PARM1: variants seen among roughly 807,000 people sequenced by gnomAD.
The protein encoded by PARM1 is prostate androgen-regulated mucin-like protein 1.
PARM1 carries 14 observed loss-of-function variants against 24.6 expected under a neutral mutation model. The ratio of observed to expected loss-of-function variants is 0.57; its 90% CI spans 0.38 to 0.89. The LOEUF (loss-of-function observed/expected upper bound fraction) is 0.89, where lower values mean the gene tolerates loss of function less well. Among genes scored for constraint, PARM1 ranks in the 40% least tolerant of loss-of-function variants. The pLI is 0.00. For synonymous variants in PARM1, 179 were observed against 156.6 expected, an observed-to-expected ratio of 1.14 and a Z score of -1.07; for missense variants, 362 against 380.4, an observed-to-expected ratio of 0.95 and a Z score of 0.40.
At chr4:74,962,455 C>T in intron 1 of PARM1, among the ~76,000 whole-genome samples, 1 of 152,070 alleles carries the variant, frequency 6.6e-6, no homozygotes, top group Non-Finnish European at 1.5e-5. Context: ...CTCTTCTTAT[C>T]TGAAATTATT....
chr4:75,003,549 T>C (rs997437385), intron 1 of PARM1, among the ~76,000 whole-genome samples: 3 of 152,204 alleles, frequency 2.0e-5, no homozygotes, highest in African/African-American at 7.2e-5. Context: ...ATGTCTCATT[T>C]CCATAAGCAA....
At chr4:75,015,588 G>A (rs1430897781) in intron 2 of PARM1, among the ~76,000 whole-genome samples, 2 of 152,190 alleles carry the variant, frequency 1.3e-5, no homozygotes, top group African/African-American at 2.4e-5. Flanking sequence ...TATAGTTTAA[G>A]TAGAGAGAAA....
At chr4:75,019,585 A>T (rs1453995121) in intron 2 of PARM1, among the ~76,000 whole-genome samples, 2 of 152,374 alleles carry the variant, frequency 1.3e-5, no homozygotes, top group Non-Finnish European at 2.9e-5. Context: ...GTAGGCACAG[A>T]CATCTAGACA....
chr4:75,026,565 G>A (rs1247241376), intron 2 of PARM1, among the ~76,000 whole-genome samples: 1 of 152,170 alleles, frequency 6.6e-6, no homozygotes, highest in Non-Finnish European at 1.5e-5. Context: ...TGCATAAAAG[G>A]TGCATCCTTA....
chr4:74,997,271 CA>C (rs954335127), intron 1 of PARM1, among the ~76,000 whole-genome samples: 6 of 152,186 alleles, frequency 3.9e-5, no homozygotes, highest in African/African-American at 1.4e-4. Context: ...AAGAATGACA[CA>C]CCCATTTCCT....
At chr4:74,960,588 A>G (rs1310327715) in intron 1 of PARM1, among the ~76,000 whole-genome samples, 1 of 152,198 alleles carries the variant, frequency 6.6e-6, no homozygotes, top group Non-Finnish European at 1.5e-5. Flanking sequence ...TATATTCAAA[A>G]GTCCAGTATT....
At chr4:74,999,357 G>A (rs1722634934) in intron 1 of PARM1, among the ~76,000 whole-genome samples, 1 of 152,154 alleles carries the variant, frequency 6.6e-6, no homozygotes, top group African/African-American at 2.4e-5. Flanking sequence ...CAGCATGCTT[G>A]ACAAAACAGA....
chr4:75,001,543 G>A (rs1352863394), intron 1 of PARM1, among the ~76,000 whole-genome samples: 2 of 152,056 alleles, frequency 1.3e-5, no homozygotes, highest in Non-Finnish European at 2.9e-5. Context: ...TCTTGCTGGC[G>A]GTAGCACAGG....
chr4:74,950,288 A>T (rs1442746522), intron 1 of PARM1, among the ~76,000 whole-genome samples: 3 of 152,252 alleles, frequency 2.0e-5, no homozygotes, highest in African/African-American at 7.2e-5. Context: ...TCAAGGTTTC[A>T]GCAAAGCCAT....
At chr4:75,002,465 T>G (rs1472196055) in intron 1 of PARM1, among the ~76,000 whole-genome samples, 1 of 152,118 alleles carries the variant, frequency 6.6e-6, no homozygotes, top group Non-Finnish European at 1.5e-5. Flanking sequence ...ATTTTTTTTT[T>G]TTTTAATTTC....
chr4:75,020,859 A>C (rs1186261741), intron 2 of PARM1, among the ~76,000 whole-genome samples: 2 of 152,104 alleles, frequency 1.3e-5, no homozygotes, highest in Non-Finnish European at 2.9e-5. Context: ...CTCAGGTCTC[A>C]GATCAAATAG....
intron 2 of PARM1, among the ~76,000 whole-genome samples, chr4:75,027,919 A>G (rs1723212045): frequency 6.6e-6 from 1 of 152,194 alleles, no homozygotes; most frequent in African/African-American, 2.4e-5. Context: ...AGGATTTAGT[A>G]CTAGAGCCCA....
chr4:74,987,694 A>G (rs1384350395), intron 1 of PARM1, among the ~76,000 whole-genome samples: 1 of 152,232 alleles, frequency 6.6e-6, no homozygotes. Flanking sequence ...TAAAGAAACT[A>G]AACTCAACAG....
At chr4:75,028,279 T>C (rs1723218473) in intron 2 of PARM1, among the ~76,000 whole-genome samples, 1 of 152,188 alleles carries the variant, frequency 6.6e-6, no homozygotes, top group African/African-American at 2.4e-5. Flanking sequence ...GCATAATAAA[T>C]AGAGATTCGG....
At chr4:74,964,037 C>T (rs961287563) in intron 1 of PARM1, among the ~76,000 whole-genome samples, 1 of 152,084 alleles carries the variant, frequency 6.6e-6, no homozygotes, top group Non-Finnish European at 1.5e-5. Flanking sequence ...TGCAAATGAC[C>T]CTCGCTAGGG....
At chr4:74,957,583 T>C (rs1241410181) in intron 1 of PARM1, among the ~76,000 whole-genome samples, 2 of 152,196 alleles carry the variant, frequency 1.3e-5, no homozygotes, top group African/African-American at 4.8e-5. Context: ...ACCTCAGCTT[T>C]TTCTAAGATG....
chr4:74,983,566 C>T (rs534468733), intron 1 of PARM1, among the ~76,000 whole-genome samples: 28 of 152,298 alleles, frequency 1.8e-4, no homozygotes, highest in African/African-American at 6.7e-4. Flanking sequence ...TATATCATCC[C>T]TGTCAATGCT....
At chr4:75,005,864 G>T (rs550357206) in intron 1 of PARM1, among the ~76,000 whole-genome samples, 1 of 152,312 alleles carries the variant, frequency 6.6e-6, no homozygotes, top group African/African-American at 2.4e-5. Flanking sequence ...GATTGAACTG[G>T]TTATCAGGCT....
chr4:74,990,967 G>A (rs1722456008), intron 1 of PARM1, among the ~76,000 whole-genome samples: 1 of 152,074 alleles, frequency 6.6e-6, no homozygotes, highest in African/African-American at 2.4e-5. Flanking sequence ...AAGACCAAAA[G>A]GATGCAGTAT....
Sources: gnomAD v4.1 joint callset for allele counts (sites outside exome capture counted in the v4.1 genomes callset) on GRCh38, gnomAD v4.1.1 for gene constraint, MANE v1.5 for transcripts, NCBI Gene and HGNC (gene_info 2026-07-23, HGNC 2026-07-21) for gene names.